The following CCDC60 variants were observed in gnomAD, a reference collection of about 807,000 sequenced individuals.
CCDC60 encodes the protein coiled-coil domain-containing protein 60.
Under a neutral mutation model 63.5 loss-of-function variants are expected in CCDC60, and 54 were observed. The observed-to-expected ratio is 0.85, with a 90% CI of 0.68 to 1.07. The LOEUF is 1.07. Ranked by LOEUF, CCDC60 falls within the 50% of genes least tolerant of loss-of-function variation. The pLI, the probability that CCDC60 is intolerant of heterozygous loss-of-function variation, is 0.00. For synonymous variants in CCDC60, 206 were observed against 238.8 expected (o/e 0.86, Z 1.27); for missense variants, 651 against 684.3 (o/e 0.95, Z 0.54).
chr12:119,485,698 G>A (rs1951423629), intron 4 of CCDC60, among the ~76,000 whole-genome samples: 1 of 152,132 alleles, frequency 6.6e-6, no homozygotes, highest in South Asian at 2.1e-4. Flanking sequence ...TCATTTATAA[G>A]TGAATCCACT....
In CCDC60 at chr12:119,420,429, A is replaced by G. The variant is rs1338130861; in HGVS notation, c.91-8254A>G. ...AACATGGATGGAACTGGAGATCATT[A>G]TGTTAAGTGTGTTAAGTGAAACAAG... On this transcript the variant is annotated intron_variant, in intron 1 of 13. Transcript: ENST00000327554. The surrounding 1 kb of genome is among the most constrained non-coding windows in gnomAD (Gnocchi z 4.1). Among the ~76,000 whole-genome samples the G allele has an allele frequency of 6.6e-6, 1 of 152,252 alleles. No homozygotes were observed. The highest frequency in any genetic ancestry group is 1.5e-5 in the Non-Finnish European group (1 of 68,050).
intron 5 of CCDC60, among the ~76,000 whole-genome samples, chr12:119,496,373 TAA>T (rs1951716052): frequency 6.6e-6 from 1 of 152,168 alleles, no homozygotes; most frequent in Non-Finnish European, 1.5e-5. Flanking sequence ...CGGATATAGT[TAA>T]AAGAGATTTG....
At chr12:119,461,239 G>A (rs1950851810) in intron 2 of CCDC60, among the ~76,000 whole-genome samples, 1 of 152,074 alleles carries the variant, frequency 6.6e-6, no homozygotes, top group Non-Finnish European at 1.5e-5. Flanking sequence ...TATCTTTACT[G>A]TCTCATTTAA....
chr12:119,412,453 G>A (rs1956620191), intron 1 of CCDC60, among the ~76,000 whole-genome samples: 1 of 152,108 alleles, frequency 6.6e-6, no homozygotes, highest in Non-Finnish European at 1.5e-5. Flanking sequence ...TCAGGACATT[G>A]GCAATATGAA....
chr12:119,523,015 G>A lies in CCDC60; in HGVS notation c.1103+14G>A, dbSNP rs1046846921. The A allele has an allele frequency of 2.5e-6, 4 of 1,612,576 alleles. No individual in the cohort carries two copies. The highest frequency in any genetic ancestry group is 3.4e-6 in the Non-Finnish European group (4 of 1,178,708). On this transcript the variant is annotated intron_variant, in intron 10 of 13. Coordinates refer to ENST00000327554, the MANE Select transcript of CCDC60 (RefSeq NM_178499.5). ...GAAGTCTAAAAAGTAAGCCAGGAGG[G>A]CAATGGAAGGAACCACGCAAGAGGG...
chr12:119,363,782 G>A (rs536214491), intron 1 of CCDC60, among the ~76,000 whole-genome samples: 7 of 152,260 alleles, frequency 4.6e-5, no homozygotes, highest in Admixed American at 6.5e-5. Flanking sequence ...TTGTAGGTGC[G>A]AAAATACCTT....
At chr12:119,516,448 T>C (rs190525043) in intron 7 of CCDC60, among the ~76,000 whole-genome samples, 175 bp from the exon 8 acceptor site, 2 of 152,158 alleles carry the variant, frequency 1.3e-5, no homozygotes, top group Non-Finnish European at 2.9e-5. Context: ...ATGGTCAGAT[T>C]TGCAACATGC....
intron 2 of CCDC60, among the ~76,000 whole-genome samples, chr12:119,452,763 G>A (rs1010158500): frequency 2.6e-5 from 4 of 152,038 alleles, no homozygotes; most frequent in African/African-American, 9.7e-5. Flanking sequence ...TCATGAATCT[G>A]TCTAAATCCC....
rs1199242004 is a variant in CCDC60 at position 119,507,503 on chromosome 12, CACACATATATATACATATATAT to C, written c.883+2216_883+2237del. Among the ~76,000 whole-genome samples, 586 of 131,022 alleles carry C rather than the reference CACACATATATATACATATATAT, an allele frequency of 4.5e-3. 7 individuals carry two copies. The highest frequency in any genetic ancestry group is 0.016 in the African/African-American group (531 of 33,930). The allele number at this position is 131,022 out of a possible 152,430, so 86.0% of individuals were successfully genotyped here. A position where few individuals can be genotyped will look rare whatever the true frequency, so the allele number is the denominator to read the frequency against. ...ATATATACACATATATACATATATA[CACACATATATATACATATATAT>C]ACACATATATATACACATATATATA... On this transcript the variant is annotated intron_variant, in intron 7 of 13. Coordinates refer to ENST00000327554, the MANE Select transcript of CCDC60 (RefSeq NM_178499.5).
intron 1 of CCDC60, among the ~76,000 whole-genome samples, chr12:119,366,039 C>T (rs1014335964): frequency 1.3e-5 from 2 of 152,148 alleles, no homozygotes; most frequent in African/African-American, 4.8e-5. Context: ...ATATCTAGAC[C>T]TAACTATATA....
At chr12:119,352,662 C>T (rs1164837903) in intron 1 of CCDC60, among the ~76,000 whole-genome samples, 1 of 152,154 alleles carries the variant, frequency 6.6e-6, no homozygotes, top group East Asian at 1.9e-4. Context: ...CCCAGTCAGA[C>T]ATGGTGGCTC....
chr12:119,510,957 C>T (rs1952201698), intron 7 of CCDC60, among the ~76,000 whole-genome samples: 1 of 152,192 alleles, frequency 6.6e-6, no homozygotes, highest in Non-Finnish European at 1.5e-5. Flanking sequence ...AATGCTTCCC[C>T]TTGTATGCAT....
chr12:119,445,455 AAGG>A (rs1331086223), intron 2 of CCDC60, among the ~76,000 whole-genome samples: 2 of 147,816 alleles, frequency 1.4e-5, no homozygotes, highest in Non-Finnish European at 1.5e-5. Context: ...AAAAAAAAAA[AAGG>A]AATGCTCTGA....
chr12:119,520,887 G>T (rs1294027261), intron 9 of CCDC60, among the ~76,000 whole-genome samples: 1 of 152,106 alleles, frequency 6.6e-6, no homozygotes, highest in African/African-American at 2.4e-5. Context: ...CGCTAGGTTT[G>T]GGGAATTCAT....
chr12:119,361,760 A>G (rs1955793329), intron 1 of CCDC60, among the ~76,000 whole-genome samples: 2 of 152,228 alleles, frequency 1.3e-5, no homozygotes, highest in Admixed American at 1.3e-4. Context: ...CATATTTTCA[A>G]AAAACTGGCA....
rs1248557895 is a variant in CCDC60 at position 119,456,043 on chromosome 12, GAA to G, written c.171-15949_171-15948del. ...AGAAAGAAAGAAAGAAAGAAAGAAA[GAA>G]AGAAAGAAAGAAAGAAAGCAAGCAA... On this transcript the variant is annotated intron_variant, in intron 2 of 13. Coordinates refer to ENST00000327554, the MANE Select transcript of CCDC60 (RefSeq NM_178499.5). This position sits in a 1 kb window ranked among gnomAD's most constrained non-coding sequence, Gnocchi z 4.6. 6.8e-6 allele frequency among the ~76,000 whole-genome samples: 1 copy of G among 147,286 alleles called. No individual in the cohort carries two copies. Among genetic ancestry groups the G allele is most frequent in the African/African-American group, 2.5e-5 (1 of 39,548 alleles).
intron 2 of CCDC60, among the ~76,000 whole-genome samples, chr12:119,469,308 G>A (rs527248477): frequency 1.3e-3 from 192 of 152,244 alleles, no homozygotes; most frequent in Middle Eastern, 3.4e-3. Flanking sequence ...GTGCAGTGGC[G>A]TGATCTCAGC....
At chr12:119,358,216 G>T (rs1203863233) in intron 1 of CCDC60, among the ~76,000 whole-genome samples, 1 of 152,140 alleles carries the variant, frequency 6.6e-6, no homozygotes, top group East Asian at 1.9e-4. Context: ...TCCAAACCAT[G>T]TCAGGTGATT....
chr12:119,398,324 C>T (rs1000844519), intron 1 of CCDC60, among the ~76,000 whole-genome samples: 2 of 152,202 alleles, frequency 1.3e-5, no homozygotes, highest in African/African-American at 2.4e-5. Flanking sequence ...ACCGGCCAGC[C>T]GCTCCTAGTG....
Sources: gnomAD v4.1 joint callset for allele counts (sites outside exome capture counted in the v4.1 genomes callset) on GRCh38, gnomAD v4.1.1 for gene constraint, Gnocchi (gnomAD v3.1) non-coding constraint, MANE v1.5 for transcripts, NCBI Gene and HGNC (gene_info 2026-07-23, HGNC 2026-07-21) for gene names.